SDHD: variants seen among roughly 807,000 people sequenced by gnomAD.
SDHD encodes succinate dehydrogenase complex subunit D, also known as succinate dehydrogenase [ubiquinone] cytochrome b small subunit, mitochondrial.
Under a neutral mutation model 18.7 loss-of-function variants are expected in SDHD, and 6 were observed. That is an observed-to-expected ratio of 0.32 (90% confidence interval 0.18 to 0.63). SDHD has a LOEUF of 0.63. Among genes scored for constraint, SDHD ranks in the 30% least tolerant of loss-of-function variants. SDHD has a pLI of 0.79. For missense variants in SDHD, 160 were observed against 192.7 expected, an observed-to-expected ratio of 0.83 and a Z score of 1.00; for synonymous variants, 56 against 73.9, an observed-to-expected ratio of 0.76 and a Z score of 1.24.
In SDHD at chr11:112,087,921, T is replaced by A; in HGVS notation, c.117T>A (p.Pro39=). The change falls in exon 2 of 4, where the codon CCT becomes CCA. Residue 39 remains proline (P), a synonymous_variant. Transcript: ENST00000375549. ...TCTCAGCATTTCTTCAGGACCGACC[T>A]ATCCCAGAATGGTGTGGAGTGCAGC... ...AHISAFLQDR[P]IPEWCGVQHI... The A allele has an allele frequency of 6.2e-7, 1 of 1,613,990 alleles. No individual in the cohort carries two copies. Among genetic ancestry groups the A allele is most frequent in the Non-Finnish European group, 8.5e-7 (1 of 1,179,824 alleles).
chr11:112,090,866 T>G (rs1865733494), intron 3 of SDHD, among the ~76,000 whole-genome samples: 1 of 152,018 alleles, frequency 6.6e-6, no homozygotes, highest in Non-Finnish European at 1.5e-5. Context: ...TGGCTCAGTT[T>G]TGTATTTTAA....
chr11:112,091,903 C>T (rs570956984), intron 3 of SDHD, among the ~76,000 whole-genome samples: 13 of 152,162 alleles, frequency 8.5e-5, no homozygotes, highest in Admixed American at 3.3e-4. Flanking sequence ...CTTGTCTCTA[C>T]TAATAATACA....
intron 3 of SDHD, among the ~76,000 whole-genome samples, chr11:112,093,391 G>A (rs1172580783): frequency 2.0e-5 from 3 of 150,666 alleles, no homozygotes; most frequent in African/African-American, 7.5e-5. Context: ...TATATGAAAT[G>A]TCTAGAACAG....
At chr11:112,093,776 A>G (rs1052323438) in intron 3 of SDHD, among the ~76,000 whole-genome samples, 6 of 152,072 alleles carry the variant, frequency 3.9e-5, no homozygotes, top group Admixed American at 3.9e-4. Flanking sequence ...CAGCCACACA[A>G]ATCTTACTAT....
In SDHD at chr11:112,095,785, T is replaced by C. The variant is rs886047703; in HGVS notation, c.*815T>C. The stretch of plus-strand genomic sequence containing the variant: ...AATGTTATATAATAAAAGTGTCTTC[T>C]ATGCTTTTATATATTAGCTATCAGT... On this transcript the variant is annotated 3_prime_UTR_variant, in exon 4 of 4. Transcript: ENST00000375549. 1.0e-4 allele frequency: 20 copies of C among 200,698 alleles called. No homozygotes were observed. The highest frequency in any genetic ancestry group is 4.1e-5 in the Non-Finnish European group (4 of 98,108). The allele number at this position is 200,698 out of a possible 1,614,324, so 12.4% of individuals were successfully genotyped here.
rs878854595 is a variant in SDHD, at chr11:112,094,865, G to T, written c.375G>T (p.Lys125Asn). The T allele has an allele frequency of 1.2e-6, 2 of 1,611,836 alleles. No homozygotes were observed. The highest frequency in any genetic ancestry group is 1.7e-6 in the Non-Finnish European group (2 of 1,179,788). Reference sequence around the variant, plus strand: ...GGGATGCCTTGCAGAAAGCTGCCAAGGCAGGGCTTTTGGCACTTTCAGCTT... The same window carrying T: ...GGGATGCCTTGCAGAAAGCTGCCAATGCAGGGCTTTTGGCACTTTCAGCTT... ...VHGDALQKAA[K>N]AGLLALSALT... The change falls in exon 4 of 4, where the codon AAG becomes AAT. Residue 125 changes from lysine (K) to asparagine (N), a missense_variant. Lys to Asn is a moderately conservative substitution (Grantham distance 94). Transcript: ENST00000375549.
At chr11:112,092,774 C>T (rs933019533) in intron 3 of SDHD, among the ~76,000 whole-genome samples, 10 of 152,008 alleles carry the variant, frequency 6.6e-5, no homozygotes, top group Admixed American at 4.6e-4. Flanking sequence ...AGGTGTATAC[C>T]CAAGAGAACT....
intron 3 of SDHD, among the ~76,000 whole-genome samples, chr11:112,093,985 T>G (rs1865794338): frequency 6.6e-6 from 1 of 152,232 alleles, no homozygotes. Context: ...ATAAATTCTT[T>G]TTGAATTAAT....
At chr11:112,089,281 G>T (rs1865701732) in intron 3 of SDHD, among the ~76,000 whole-genome samples, 4 of 151,948 alleles carry the variant, frequency 2.6e-5, no homozygotes, top group Admixed American at 2.0e-4. Flanking sequence ...CTGCACTCTT[G>T]CCCCATCTGA....
chr11:112,089,047 A>G (rs1865695045), intron 3 of SDHD, 36 bp downstream of exon 3: 2 of 1,612,728 alleles, frequency 1.2e-6, no homozygotes, highest in African/African-American at 2.7e-5. Context: ...TTGTCTGCTC[A>G]GTTTGTTTGC....
At position 112,087,971 on chromosome 11, in the gene SDHD, A is replaced by C. The variant is rs1555186817; in HGVS notation, c.167A>C (p.His56Pro). The change falls in exon 2 of 4, where the codon CAT (histidine) becomes CCT (proline). Residue 56 changes from histidine to proline, a missense_variant and splice_region_variant. Physicochemically the swap from His to Pro is moderately conservative, Grantham distance 77. Transcript: ENST00000375549. ...CACATACACTTGTCACCGAGCCACC[A>C]TTGTATGTTCTCTCCATCGCTGCTG... is the stretch of plus-strand genomic sequence containing the variant. ...VQHIHLSPSH[H>P]SGSKAASLHW... 2 of 1,595,314 alleles carry C rather than the reference A, an allele frequency of 1.3e-6. No individual in the cohort carries two copies. The highest frequency in any genetic ancestry group is 4.5e-5 in the East Asian group (2 of 44,796).
chr11:112,087,108 G>A, intron 1 of SDHD, 149 bp downstream of exon 1: 1 of 874,218 alleles, frequency 1.1e-6, no homozygotes, highest in Non-Finnish European at 1.9e-6. Context: ...TAGGGGTCCA[G>A]ATGTTTACCC....
chr11:112,087,859 C>G lies in SDHD; in HGVS notation c.55C>G (p.Leu19Val). Reference protein sequence around the residue: ...AVCGALGGRALLLRTPVVRPA... With the variant: ...AVCGALGGRAVLLRTPVVRPA... The stretch of plus-strand genomic sequence containing the variant: ...CATCCTAATGACTCTTTCCTCAGCT[C>G]TGTTGCTTCGAACTCCAGTGGTCAG... The change falls in exon 2 of 4, where the codon CTG becomes GTG. Residue 19 changes from leucine to valine, a missense_variant and splice_region_variant. Transcript: ENST00000375549. 1 of 1,605,576 alleles carries G rather than the reference C, an allele frequency of 6.2e-7. No homozygotes were observed. Among genetic ancestry groups the G allele is most frequent in the Non-Finnish European group, 8.5e-7 (1 of 1,172,396 alleles).
chr11:112,087,580 T>C (rs954766923), intron 1 of SDHD, among the ~76,000 whole-genome samples: 1 of 152,204 alleles, frequency 6.6e-6, no homozygotes, highest in Non-Finnish European at 1.5e-5. Context: ...CAATAGGATT[T>C]GGCGATTGAA....
At chr11:112,089,685 A>C (rs1865708750) in intron 3 of SDHD, among the ~76,000 whole-genome samples, 1 of 152,044 alleles carries the variant, frequency 6.6e-6, no homozygotes, top group South Asian at 2.1e-4. Context: ...TTTTCTAGCT[A>C]TACACTTGGC....
chr11:112,091,851 G>A (rs1257720972), intron 3 of SDHD, among the ~76,000 whole-genome samples: 3 of 152,228 alleles, frequency 2.0e-5, no homozygotes, highest in African/African-American at 7.2e-5. Context: ...GGCGGATCAT[G>A]AGGTCAGGAG....
At position 112,090,932 on chromosome 11, in the gene SDHD, G is replaced by T. The variant is rs187162219; in HGVS notation, c.314+1921G>T. ...GCTGGTCTTGGACTCCTGACCTCAA[G>T]TGATCCTCCCACCTTGGCCTCCCAA... On this transcript the variant is annotated intron_variant, in intron 3 of 3. Transcript: ENST00000375549. The T allele has an allele frequency of 3.5e-3, 578 of 166,164 alleles. 2 individuals carry two copies. The highest frequency in any genetic ancestry group is 0.013 in the African/African-American group (531 of 41,822). The allele number at this position is 166,164 out of a possible 1,614,324, so 10.3% of individuals were successfully genotyped here.
intron 3 of SDHD, among the ~76,000 whole-genome samples, chr11:112,093,434 G>A (rs1865784902): frequency 6.6e-6 from 1 of 152,122 alleles, no homozygotes; most frequent in Non-Finnish European, 1.5e-5. Context: ...TAAATTTGTA[G>A]TTGGGTAGTG....
In SDHD at chr11:112,095,295, T is replaced by C. The variant is rs1865821894; in HGVS notation, c.*325T>C. 4 of 404,816 alleles carry C rather than the reference T, an allele frequency of 9.9e-6. No individual in the cohort carries two copies. The Admixed American group carries it at 1.2e-4, about 12-fold the overall frequency. The allele number at this position is 404,816 out of a possible 1,614,324, so 25.1% of individuals were successfully genotyped here. A position where few individuals can be genotyped will look rare whatever the true frequency, so the allele number is the denominator to read the frequency against. ...CAATCTCTTAAAGAGAATCCAACTT[T>C]ATTACGATTAGTATATGATCAAACT... On this transcript the variant is annotated 3_prime_UTR_variant, in exon 4 of 4. Transcript: ENST00000375549.
Sources: gnomAD v4.1 joint callset for allele counts (sites outside exome capture counted in the v4.1 genomes callset) on GRCh38, gnomAD v4.1.1 for gene constraint, MANE v1.5 for transcripts, NCBI Gene and HGNC (gene_info 2026-07-23, HGNC 2026-07-21) for gene names.